The following LHX8 variants were observed in gnomAD, a reference collection of about 807,000 sequenced individuals.
LHX8 encodes LIM homeobox 8.
In LHX8, 12 loss-of-function variants were observed where a neutral mutation model predicts 40.3. That is an observed-to-expected ratio of 0.30 (90% CI 0.19 to 0.48). The LOEUF is 0.48. LHX8 is among the 20% of genes least tolerant of loss of function. The pLI is 0.99. For missense variants in LHX8, 344 were observed against 433.7 expected (o/e 0.79, Z 1.84); for synonymous variants, 179 against 162.0 (o/e 1.10, Z -0.80).
chr1:75,156,791 G>A, intron 7 of LHX8, 102 bp from the exon 8 acceptor site: 1 of 991,150 alleles, frequency 1.0e-6, no homozygotes, highest in South Asian at 1.3e-5. Context: ...GTGCTTGTGT[G>A]GTAGTGTGAT....
At chr1:75,173,941 C>T in the LHX8 span, among the ~76,000 whole-genome samples, 942 of 151,874 alleles carry the variant, frequency 6.2e-3, 13 homozygotes, top group African/African-American at 0.021. Context: ...CTCCAAAATC[C>T]GAAACATTTT....
chr1:75,148,439 C>T, intron 6 of LHX8, 148 bp from the exon 7 acceptor site: 1 of 679,508 alleles, frequency 1.5e-6, no homozygotes. Context: ...CATTCGTTTT[C>T]ACTTACCCAT....
intron 6 of LHX8, among the ~76,000 whole-genome samples, chr1:75,144,161 A>G (rs1648399118): frequency 6.6e-6 from 1 of 152,186 alleles, no homozygotes; most frequent in Non-Finnish European, 1.5e-5. Flanking sequence ...ATAGTCATTC[A>G]AGTTTTGTTT....
At chr1:75,174,331 C>G in the LHX8 span, among the ~76,000 whole-genome samples, 8 of 152,168 alleles carry the variant, frequency 5.3e-5, no homozygotes, top group South Asian at 4.1e-4. Context: ...GGCCCCTGTT[C>G]CTGCCAGCTG....
Position 75,155,150 on chromosome 1 carries a change from C to T in LHX8, c.781-1743C>T, listed in dbSNP as rs72989264. Among the ~76,000 whole-genome samples the T allele has an allele frequency of 5.7e-3, 861 of 151,896 alleles. 13 individuals carry two copies. The highest frequency in any genetic ancestry group is 0.02 in the African/African-American group (817 of 41,420). ...TTCTCATGCTAAGTTTTTATCCCTT[C>T]GCCTCTCTTTCCTCTCATGACAGAA... On this transcript the variant is annotated intron_variant, in intron 7 of 8. Transcript: ENST00000356261.
chr1:75,135,409 T>TG lies in LHX8; in HGVS notation c.-13+455_-13+456insG, dbSNP rs1480940736. Among the ~76,000 whole-genome samples, 3 of 152,212 alleles carry TG rather than the reference T, an allele frequency of 2.0e-5. No individual in the cohort carries two copies. The South Asian group carries it at 6.2e-4, about 31-fold the overall frequency. On this transcript the variant is annotated intron_variant, in intron 1 of 8. Transcript: ENST00000356261. ...CCAGGCGAAAGCGGAGCTGTTCTGTTTAAACGCCCTTTGTGTGTGAGGACG... is the reference window on the plus strand; with the variant it reads ...CCAGGCGAAAGCGGAGCTGTTCTGTTGTAAACGCCCTTTGTGTGTGAGGACG...
chr1:75,169,646 G>A, the LHX8 span, among the ~76,000 whole-genome samples: 5 of 152,104 alleles, frequency 3.3e-5, no homozygotes, highest in African/African-American at 9.7e-5. Context: ...GATGTTCTTA[G>A]TAGAAATATT....
chr1:75,188,010 C>A, the LHX8 span, among the ~76,000 whole-genome samples: 1 of 152,190 alleles, frequency 6.6e-6, no homozygotes, highest in African/African-American at 2.4e-5. Context: ...CAGTGGCTTT[C>A]ATGCCCCTTC....
chr1:75,178,277 A>C, the LHX8 span, among the ~76,000 whole-genome samples: 1 of 152,178 alleles, frequency 6.6e-6, no homozygotes, highest in Non-Finnish European at 1.5e-5. Flanking sequence ...ACTCTGGTAG[A>C]ATTTGGCTGT....
the LHX8 span, among the ~76,000 whole-genome samples, chr1:75,194,569 A>G: frequency 1.3e-5 from 2 of 152,146 alleles, no homozygotes; most frequent in African/African-American, 4.8e-5. Context: ...CTGTGCTTTC[A>G]TTATTCACTC....
At chr1:75,129,587 C>T (rs959568069), upstream of LHX8, among the ~76,000 whole-genome samples, 5 of 152,132 alleles carry the variant, frequency 3.3e-5, no homozygotes, top group African/African-American at 1.2e-4. Flanking sequence ...TGAGGGTTCC[C>T]TTATCAAAAT....
chr1:75,157,593 C>T (rs1337522355), intron 8 of LHX8, among the ~76,000 whole-genome samples: 2 of 152,220 alleles, frequency 1.3e-5, no homozygotes, highest in African/African-American at 2.4e-5. Flanking sequence ...TCTTATGTCT[C>T]CTTCCAATTA....
At chr1:75,167,765 A>G in the LHX8 span, among the ~76,000 whole-genome samples, 2 of 152,176 alleles carry the variant, frequency 1.3e-5, no homozygotes, top group African/African-American at 4.8e-5. Flanking sequence ...GCCATGGTTA[A>G]TTTACTCCAT....
At chr1:75,175,052 A>G in the LHX8 span, among the ~76,000 whole-genome samples, 4 of 152,190 alleles carry the variant, frequency 2.6e-5, no homozygotes, top group Admixed American at 6.5e-5. Flanking sequence ...ATGAGTGAGA[A>G]CATAAGATGT....
At chr1:75,155,230 C>CTTTTTTT (rs57009636) in intron 7 of LHX8, among the ~76,000 whole-genome samples, 11 of 94,372 alleles carry the variant, frequency 1.2e-4, no homozygotes, top group East Asian at 3.8e-4. Context: ...GAAACACTCT[C>CTTTTTTT]TTTTTTTTTT....
At chr1:75,173,374 CTTTTTTTTT>C in the LHX8 span, among the ~76,000 whole-genome samples, 4 of 96,460 alleles carry the variant, frequency 4.1e-5, no homozygotes, top group East Asian at 5.8e-4. Context: ...GATATATACT[CTTTTTTTTT>C]TTTTTTTTTT....
downstream of LHX8, among the ~76,000 whole-genome samples, chr1:75,162,008 CT>C (rs1296305040): frequency 1.3e-5 from 2 of 151,802 alleles, no homozygotes; most frequent in Non-Finnish European, 2.9e-5. Context: ...CACTTTTTGT[CT>C]TTTTATATGC....
At chr1:75,132,068 CTT>C (rs1397616029), upstream of LHX8, 2 of 152,154 alleles carry the variant, frequency 1.3e-5, no homozygotes, top group South Asian at 2.1e-4. Context: ...AACAAAAACT[CTT>C]TTGATTTTTA....
the LHX8 span, among the ~76,000 whole-genome samples, chr1:75,193,335 C>T: frequency 2.1e-3 from 319 of 152,304 alleles, 1 homozygote; most frequent in Non-Finnish European, 3.6e-3. Flanking sequence ...TAGGTTCAGG[C>T]TCTTCCCAGT....
Sources: gnomAD v4.1 joint callset for allele counts (sites outside exome capture counted in the v4.1 genomes callset) on GRCh38, gnomAD v4.1.1 for gene constraint, MANE v1.5 for transcripts, NCBI Gene and HGNC (gene_info 2026-07-23, HGNC 2026-07-21) for gene names.